Variants in MYO3A observed in about 807,000 individuals in gnomAD.
The protein encoded by MYO3A is myosin IIIA, also known as myosin-IIIa.
Under a neutral mutation model 192.7 loss-of-function variants are expected in MYO3A, and 180 were observed. That is an observed-to-expected ratio of 0.93 (90% CI 0.83 to 1.06). The LOEUF is 1.06. MYO3A is among the 50% of genes least tolerant of loss of function. The pLI, the probability that MYO3A is intolerant of heterozygous loss-of-function variation, is 0.00. For missense variants in MYO3A, 1,896 were observed against 1,905.0 expected, an observed-to-expected ratio of 1.00 and a Z score of 0.09; for synonymous variants, 628 against 645.3, an observed-to-expected ratio of 0.97 and a Z score of 0.41.
intron 10 of MYO3A, among the ~76,000 whole-genome samples, chr10:26,026,744 CAGGCTGG>C (rs1842566311): frequency 6.6e-6 from 1 of 152,172 alleles, no homozygotes; most frequent in Non-Finnish European, 1.5e-5. Flanking sequence ...CTCTGTTGCC[CAGGCTGG>C]AGTGCAGAGG....
At chr10:26,183,099 C>T (rs974820899) in intron 31 of MYO3A, among the ~76,000 whole-genome samples, 7 of 152,118 alleles carry the variant, frequency 4.6e-5, no homozygotes, top group African/African-American at 1.7e-4. Flanking sequence ...AAGAGACAAG[C>T]GACAGTCCAG....
intron 4 of MYO3A, among the ~76,000 whole-genome samples, chr10:25,996,038 A>G (rs770479170): frequency 1.3e-5 from 2 of 152,256 alleles, no homozygotes; most frequent in Non-Finnish European, 1.5e-5. Context: ...GCTGTCAGAC[A>G]GGGACATTTA....
intron 2 of MYO3A, among the ~76,000 whole-genome samples, chr10:25,941,869 G>T (rs191154378): frequency 6.6e-6 from 1 of 152,030 alleles, no homozygotes; most frequent in Non-Finnish European, 1.5e-5. Flanking sequence ...TTCCCTTTGC[G>T]ACTGGCTTAT....
chr10:26,094,172 G>A (rs967532212), intron 15 of MYO3A, among the ~76,000 whole-genome samples: 1 of 152,192 alleles, frequency 6.6e-6, no homozygotes, highest in African/African-American at 2.4e-5. Flanking sequence ...TCTGTCACAA[G>A]TATCAAACCT....
intron 2 of MYO3A, among the ~76,000 whole-genome samples, chr10:25,946,057 C>G (rs978940633): frequency 7.2e-5 from 11 of 152,118 alleles, no homozygotes; most frequent in Admixed American, 2.6e-4. Flanking sequence ...TGTATCCCCA[C>G]TTAACATAGA....
In MYO3A at chr10:26,170,550, G is replaced by C. The variant is rs1233278915; in HGVS notation, c.3398+11G>C. 6.2e-7 allele frequency: 1 copy of C among 1,605,912 alleles called. No individual in the cohort carries two copies. The highest frequency in any genetic ancestry group is 2.2e-5 in the East Asian group (1 of 44,688). ...CTTTGAAAATACAAGGTATAATGAT[G>C]TTCATTCTTATACCGTTGTAACATA... On this transcript the variant is annotated intron_variant, in intron 29 of 34. Transcript: ENST00000642920.
chr10:26,202,681 G>T (rs530547069), intron 33 of MYO3A: 8 of 378,182 alleles, frequency 2.1e-5, no homozygotes, highest in Non-Finnish European at 3.5e-5. Context: ...GCAATCACTG[G>T]CTATTCTAGT....
intron 12 of MYO3A, among the ~76,000 whole-genome samples, chr10:26,069,400 T>C (rs1333035813): frequency 6.6e-6 from 1 of 152,104 alleles, no homozygotes; most frequent in African/African-American, 2.4e-5. Flanking sequence ...ATTTAACCAC[T>C]GGTGGCTTAC....
intron 4 of MYO3A, among the ~76,000 whole-genome samples, chr10:25,991,449 C>T (rs1359092438): frequency 6.6e-6 from 1 of 152,036 alleles, no homozygotes; most frequent in African/African-American, 2.4e-5. Flanking sequence ...AAAATTTTCT[C>T]CCATTCTGTA....
intron 14 of MYO3A, among the ~76,000 whole-genome samples, chr10:26,077,558 GA>G (rs1835670606): frequency 6.6e-6 from 1 of 151,740 alleles, no homozygotes; most frequent in Non-Finnish European, 1.5e-5. Context: ...TAAGAATGGG[GA>G]TCCTTGTCTT....
chr10:26,083,604 A>G (rs1836115004), intron 14 of MYO3A, among the ~76,000 whole-genome samples: 1 of 152,152 alleles, frequency 6.6e-6, no homozygotes, highest in African/African-American at 2.4e-5. Flanking sequence ...GTTTCTCCTC[A>G]TTGATTATAA....
At chr10:26,064,253 A>C (rs991258242) in intron 10 of MYO3A, among the ~76,000 whole-genome samples, 2 of 152,184 alleles carry the variant, frequency 1.3e-5, no homozygotes, top group Admixed American at 6.5e-5. Context: ...AGCAAGAAAG[A>C]GCTTTACAGA....
chr10:25,972,431 C>A (rs1210833447), intron 4 of MYO3A, among the ~76,000 whole-genome samples: 1 of 152,100 alleles, frequency 6.6e-6, no homozygotes, highest in Admixed American at 6.6e-5. Context: ...AGTCCAATGA[C>A]TGGGCCCGCT....
At chr10:25,961,080 C>G (rs1370732183) in intron 4 of MYO3A, among the ~76,000 whole-genome samples, 1 of 152,062 alleles carries the variant, frequency 6.6e-6, no homozygotes, top group Non-Finnish European at 1.5e-5. Context: ...TGTACATAAT[C>G]CTTGATGTAA....
chr10:26,031,656 A>AT (rs915188809), intron 10 of MYO3A, among the ~76,000 whole-genome samples: 1 of 152,160 alleles, frequency 6.6e-6, no homozygotes, highest in South Asian at 2.1e-4. Flanking sequence ...TATATGGAAT[A>AT]TTTTTTATTC....
chr10:26,025,730 C>T (rs1161837087), intron 9 of MYO3A, among the ~76,000 whole-genome samples: 1 of 152,194 alleles, frequency 6.6e-6, no homozygotes, highest in East Asian at 1.9e-4. Flanking sequence ...AAATGCTCCT[C>T]CTGTGCTGTT....
chr10:26,035,282 C>A (rs148532419), intron 10 of MYO3A, among the ~76,000 whole-genome samples: 182 of 152,222 alleles, frequency 1.2e-3, no homozygotes, highest in African/African-American at 4.3e-3. Context: ...GGCTTTTTAA[C>A]GTGGTCTCCA....
intron 10 of MYO3A, among the ~76,000 whole-genome samples, chr10:26,063,023 C>A (rs1282263789): frequency 5.3e-5 from 8 of 152,170 alleles, no homozygotes; most frequent in African/African-American, 1.9e-4. Context: ...TTTTGGACGA[C>A]TGCTATCTAA....
At chr10:26,061,175 C>T (rs542552869) in intron 10 of MYO3A, among the ~76,000 whole-genome samples, 16 of 152,192 alleles carry the variant, frequency 1.1e-4, no homozygotes, top group Middle Eastern at 3.4e-3. Context: ...ATGATCTACC[C>T]GCCTCAACCT....
Sources: allele counts gnomAD v4.1 joint callset (sites outside exome capture counted in the v4.1 genomes callset), GRCh38; gene constraint gnomAD v4.1.1; transcripts MANE v1.5; gene names NCBI Gene and HGNC (gene_info 2026-07-23, HGNC 2026-07-21).